MPPED2: variants seen among roughly 807,000 people sequenced by gnomAD.
MPPED2 encodes the protein metallophosphoesterase MPPED2.
MPPED2 carries 5 observed loss-of-function variants against 33.0 expected under a neutral mutation model. The ratio of observed to expected loss-of-function variants is 0.15; its 90% confidence interval spans 0.08 to 0.32. MPPED2 has a LOEUF of 0.32. Among genes scored for constraint, MPPED2 ranks in the 10% least tolerant of loss-of-function variants. The pLI, the probability that MPPED2 is intolerant of heterozygous loss-of-function variation, is 1.00. For synonymous variants in MPPED2, 136 were observed against 141.9 expected, an observed-to-expected ratio of 0.96 and a Z score of 0.29; for missense variants, 275 against 372.1, an observed-to-expected ratio of 0.74 and a Z score of 2.15.
At chr11:30,481,048 G>T (rs1951462941) in intron 4 of MPPED2, among the ~76,000 whole-genome samples, 1 of 152,074 alleles carries the variant, frequency 6.6e-6, no homozygotes, top group South Asian at 2.1e-4. Flanking sequence ...GTGAGGAAAT[G>T]CACAAAATTG....
chr11:30,520,108 C>T (rs546331668), intron 3 of MPPED2, among the ~76,000 whole-genome samples: 14 of 151,910 alleles, frequency 9.2e-5, no homozygotes, highest in Non-Finnish European at 1.6e-4. Flanking sequence ...AAAACGGCAG[C>T]GAGAAGGGAG....
At chr11:30,420,519 T>C (rs1008891060) in intron 4 of MPPED2, among the ~76,000 whole-genome samples, 3 of 152,216 alleles carry the variant, frequency 2.0e-5, no homozygotes, top group Non-Finnish European at 4.4e-5. Flanking sequence ...AGAAAATTGG[T>C]ACAGTACCTA....
intron 3 of MPPED2, among the ~76,000 whole-genome samples, chr11:30,513,629 T>C: frequency 6.6e-6 from 1 of 152,192 alleles, no homozygotes; most frequent in Non-Finnish European, 1.5e-5. Flanking sequence ...GTTAAGTCTC[T>C]CAGAACTTTG....
Position 30,495,637 on chromosome 11 carries a change from T to C in MPPED2, c.311-116A>G, listed in dbSNP as rs1269765170. The C allele has an allele frequency of 7.2e-6, 5 of 695,044 alleles. No individual in the cohort carries two copies. In the Admixed American group the frequency reaches 1.3e-4, roughly 18 times the overall value. 43.1% of individuals were successfully genotyped at this position (695,044 alleles called of 1,614,324 possible). A position where few individuals can be genotyped will look rare whatever the true frequency, so the allele number is the denominator to read the frequency against. Reference sequence around the variant, plus strand: ...CCAAATGAAATAGCTCGCAAATTCCTTTACATTTCCATGTGAACTGGAATT... The same window carrying C: ...CCAAATGAAATAGCTCGCAAATTCCCTTACATTTCCATGTGAACTGGAATT... On this transcript the variant is annotated intron_variant, in intron 3 of 6. Transcript: ENST00000358117.
At chr11:30,561,056 T>C (rs1956218795) in intron 2 of MPPED2, among the ~76,000 whole-genome samples, 1 of 152,200 alleles carries the variant, frequency 6.6e-6, no homozygotes, top group Non-Finnish European at 1.5e-5. Context: ...TCCAATGTTT[T>C]ATTTGTTTTT....
At chr11:30,566,539 A>G (rs1341658078) in intron 2 of MPPED2, among the ~76,000 whole-genome samples, 1 of 152,164 alleles carries the variant, frequency 6.6e-6, no homozygotes, top group African/African-American at 2.4e-5. Context: ...AAAGCCAAGT[A>G]CACCCTCAAG....
intron 4 of MPPED2, among the ~76,000 whole-genome samples, chr11:30,458,398 C>T (rs509774): frequency 0.11 from 16,940 of 152,194 alleles, 1,234 homozygotes; most frequent in South Asian, 0.24. Context: ...AGTTTCACAT[C>T]AACCCTCATT....
intron 1 of MPPED2, among the ~76,000 whole-genome samples, chr11:30,581,769 T>C (rs148511254): frequency 1.7e-3 from 262 of 152,342 alleles, no homozygotes; most frequent in Non-Finnish European, 2.4e-3. Context: ...CAGAGTGTTC[T>C]ACTCAAATCA....
chr11:30,470,597 A>G (rs1950907172), intron 4 of MPPED2, among the ~76,000 whole-genome samples: 1 of 152,192 alleles, frequency 6.6e-6, no homozygotes, highest in African/African-American at 2.4e-5. Flanking sequence ...GATTTGTACG[A>G]TACATGAATT....
chr11:30,522,227 T>C (rs975075582), intron 3 of MPPED2, among the ~76,000 whole-genome samples: 2 of 152,192 alleles, frequency 1.3e-5, no homozygotes, highest in African/African-American at 2.4e-5. Flanking sequence ...AAAAGGTCTA[T>C]AGATTACATA....
At chr11:30,506,097 G>T (rs770881467) in intron 3 of MPPED2, among the ~76,000 whole-genome samples, 3 of 152,044 alleles carry the variant, frequency 2.0e-5, no homozygotes, top group Non-Finnish European at 2.9e-5. Context: ...GAGTGCAGTG[G>T]CGCGATTTCA....
intron 4 of MPPED2, among the ~76,000 whole-genome samples, chr11:30,418,598 G>T (rs533506406): frequency 1.3e-5 from 2 of 152,216 alleles, no homozygotes; most frequent in Non-Finnish European, 2.9e-5. Context: ...TTGTTCTGTG[G>T]GTAAATTCTA....
chr11:30,389,428 T>C (rs188537093), intron 6 of MPPED2, among the ~76,000 whole-genome samples: 27 of 152,314 alleles, frequency 1.8e-4, no homozygotes, highest in African/African-American at 4.8e-4. Flanking sequence ...AGGGTTAATA[T>C]GAAATAGGAA....
intron 6 of MPPED2, among the ~76,000 whole-genome samples, chr11:30,402,439 A>G (rs916117112): frequency 1.3e-5 from 2 of 152,184 alleles, no homozygotes; most frequent in Admixed American, 1.3e-4. Flanking sequence ...TCACAGACAG[A>G]TTGTGATGAG....
chr11:30,435,079 A>C (rs922940813), intron 4 of MPPED2, among the ~76,000 whole-genome samples: 2 of 152,194 alleles, frequency 1.3e-5, no homozygotes, highest in East Asian at 1.9e-4. Flanking sequence ...GAATTAGCAT[A>C]GTTTGCGAGT....
At chr11:30,391,422 C>A (rs1947774490) in intron 6 of MPPED2, among the ~76,000 whole-genome samples, 1 of 152,126 alleles carries the variant, frequency 6.6e-6, no homozygotes, top group Non-Finnish European at 1.5e-5. Flanking sequence ...GTTGGTGGGG[C>A]AGGCAGTAGA....
At chr11:30,542,394 G>C (rs1431178375) in intron 2 of MPPED2, among the ~76,000 whole-genome samples, 3 of 139,134 alleles carry the variant, frequency 2.2e-5, no homozygotes, top group African/African-American at 8.2e-5. Context: ...TGGGTGGATT[G>C]CTTGAGCTCA....
chr11:30,564,696 A>C (rs1956368545), intron 2 of MPPED2, among the ~76,000 whole-genome samples: 1 of 152,178 alleles, frequency 6.6e-6, no homozygotes. Flanking sequence ...ATTTATTACA[A>C]AACTATTTAT....
chr11:30,500,426 C>T (rs915341573), intron 3 of MPPED2, among the ~76,000 whole-genome samples: 1 of 152,196 alleles, frequency 6.6e-6, no homozygotes, highest in African/African-American at 2.4e-5. Flanking sequence ...GTGCTTCTCA[C>T]ATTTCTATTC....
Sources: gnomAD v4.1 joint callset for allele counts (sites outside exome capture counted in the v4.1 genomes callset) on GRCh38, gnomAD v4.1.1 for gene constraint, MANE v1.5 for transcripts, NCBI Gene and HGNC (gene_info 2026-07-23, HGNC 2026-07-21) for gene names.